Variants in TMEM192 observed in about 807,000 individuals in gnomAD.
The protein encoded by TMEM192 is transmembrane protein 192.
Under a neutral mutation model 26.7 loss-of-function variants are expected in TMEM192, and 20 were observed. The observed-to-expected ratio is 0.75, with a 90% CI of 0.53 to 1.09. The LOEUF (loss-of-function observed/expected upper bound fraction) is 1.09, where lower values mean the gene tolerates loss of function less well. TMEM192 is among the 50% of genes least tolerant of loss of function. The pLI is 0.00. For missense variants in TMEM192, 304 were observed against 322.6 expected (o/e 0.94, Z 0.44); for synonymous variants, 124 against 121.0 (o/e 1.02, Z -0.16).
In TMEM192 at chr4:165,073,664, C is replaced by T. The variant is rs1469135063; in HGVS notation, c.*5994G>A. 6.6e-6 allele frequency: 1 copy of T among 152,238 alleles called. No individual in the cohort carries two copies. Among genetic ancestry groups the T allele is most frequent in the Non-Finnish European group, 1.5e-5 (1 of 68,060 alleles). The allele number at this position is 152,238 out of a possible 1,614,324, so 9.4% of individuals were successfully genotyped here. ...GGGAATGGAATGTCTCGGTGTAAAG[C>T]TGACCATTCCCATTCGTTCTATTCT... On this transcript the variant is annotated 3_prime_UTR_variant, in exon 6 of 6. Transcript: ENST00000306480.
At chr4:165,103,510 A>ATTT (rs1735094061) in intron 1 of TMEM192, among the ~76,000 whole-genome samples, 1 of 19,040 alleles carries the variant, frequency 5.3e-5, no homozygotes, top group Non-Finnish European at 1.4e-4. Flanking sequence ...ACACCCAGCT[A>ATTT]ATTTTTTTTT....
chr4:165,088,394 G>C (rs1393072326), intron 4 of TMEM192, 74 bp downstream of exon 4: 2 of 1,476,610 alleles, frequency 1.4e-6, no homozygotes, highest in African/African-American at 1.4e-5. Flanking sequence ...TGTCGCTAAT[G>C]GGCTATACTT....
intron 4 of TMEM192, among the ~76,000 whole-genome samples, chr4:165,086,675 G>T (rs1734625030): frequency 2.0e-5 from 3 of 151,888 alleles, no homozygotes; most frequent in Non-Finnish European, 1.5e-5. Context: ...TCCACCCGCT[G>T]AGGCCTCCCA....
intron 3 of TMEM192, among the ~76,000 whole-genome samples, chr4:165,097,127 TGATATAGCATAGCC>T (rs1734926139): frequency 6.6e-6 from 1 of 152,124 alleles, no homozygotes; most frequent in Non-Finnish European, 1.5e-5. Context: ...TGCTTCACGC[TGATATAGCATAGCC>T]CTTCAGCTTC....
chr4:165,110,630 G>A (rs1232026176), intron 1 of TMEM192, among the ~76,000 whole-genome samples: 3 of 152,136 alleles, frequency 2.0e-5, no homozygotes, highest in Admixed American at 6.6e-5. Context: ...ACTTGAACCC[G>A]GGAGGCGGAG....
At position 165,078,340 on chromosome 4, in the gene TMEM192, G is replaced by T. The variant is rs1054916811; in HGVS notation, c.*1318C>A. 6.6e-6 allele frequency: 1 copy of T among 152,090 alleles called. No individual in the cohort carries two copies. Among genetic ancestry groups the T allele is most frequent in the Admixed American group, 6.6e-5 (1 of 15,252 alleles). 9.4% of individuals were successfully genotyped at this position (152,090 alleles called of 1,614,324 possible). ...AGTCTTTCTAAGGCAGCATATAACA[G>T]TGCTAACAGCAAACTGACAAATTAA... On this transcript the variant is annotated 3_prime_UTR_variant, in exon 6 of 6. Transcript: ENST00000306480.
chr4:165,112,447 CCCCGCACGTGGGCTGGGCG>C (rs1735317698), intron 1 of TMEM192, among the ~76,000 whole-genome samples: 1 of 152,232 alleles, frequency 6.6e-6, no homozygotes, highest in South Asian at 2.1e-4. Context: ...CAAAGACGTA[CCCCGCACGTGGGCTGGGCG>C]CCAGCCTGGG....
At chr4:165,101,101 C>G (rs565062655) in intron 2 of TMEM192, among the ~76,000 whole-genome samples, 1 of 150,984 alleles carries the variant, frequency 6.6e-6, no homozygotes, top group African/African-American at 2.4e-5. Context: ...CTCAGCCTCC[C>G]GAGTAGCTGG....
intron 3 of TMEM192, among the ~76,000 whole-genome samples, chr4:165,094,656 C>CA (rs113595881): frequency 0.025 from 3,065 of 120,846 alleles, 41 homozygotes; most frequent in African/African-American, 0.043. Flanking sequence ...GACTCTGTCT[C>CA]AAAAAAAAAA....
chr4:165,110,233 T>C (rs1012716725), intron 1 of TMEM192, among the ~76,000 whole-genome samples: 2 of 152,222 alleles, frequency 1.3e-5, no homozygotes, highest in Non-Finnish European at 2.9e-5. Flanking sequence ...AAGATGTCTG[T>C]TGTTTTTGCC....
chr4:165,105,970 C>T (rs940511647), intron 1 of TMEM192, among the ~76,000 whole-genome samples: 1 of 152,134 alleles, frequency 6.6e-6, no homozygotes, highest in Non-Finnish European at 1.5e-5. Context: ...CCTTCCACTG[C>T]GTGAGGATGC....
At chr4:165,099,878 A>G (rs1481018862) in intron 3 of TMEM192, among the ~76,000 whole-genome samples, 1 of 152,118 alleles carries the variant, frequency 6.6e-6, no homozygotes, top group Non-Finnish European at 1.5e-5. Context: ...AAGCCCAGGA[A>G]TTCCAGGCTA....
Position 165,076,896 on chromosome 4 carries a change from T to C in TMEM192, c.*2762A>G, listed in dbSNP as rs1734396375. The stretch of plus-strand genomic sequence containing the variant: ...AGCTCACTGCAACCTCTGCCTCCTG[T>C]GTTCAAGCGATTCTCCTGCCTCAGC... On this transcript the variant is annotated 3_prime_UTR_variant, in exon 6 of 6. Coordinates refer to ENST00000306480, the MANE Select transcript of TMEM192 (RefSeq NM_001100389.2). 1 of 152,184 alleles carries C rather than the reference T, an allele frequency of 6.6e-6. No individual in the cohort carries two copies. The highest frequency in any genetic ancestry group is 2.4e-5 in the African/African-American group (1 of 41,434). 9.4% of individuals were successfully genotyped at this position (152,184 alleles called of 1,614,324 possible).
chr4:165,100,975 T>C lies in TMEM192; in HGVS notation c.175-83A>G, dbSNP rs976581026. The C allele has an allele frequency of 2.3e-5, 28 of 1,216,410 alleles. No individual in the cohort carries two copies. In the African/African-American group the frequency reaches 4.7e-4, roughly 20 times the overall value. The allele number at this position is 1,216,410 out of a possible 1,614,324, so 75.4% of individuals were successfully genotyped here. ...ACTACCATCCCAGCATACATTCTTT[T>C]TTTTTTTTTTTTTTTTTCTGAGACA... On this transcript the variant is annotated intron_variant, in intron 2 of 5. Transcript: ENST00000306480.
chr4:165,085,001 G>A lies in TMEM192; in HGVS notation c.677+585C>T, dbSNP rs112023235. On this transcript the variant is annotated intron_variant, in intron 5 of 5. Coordinates refer to ENST00000306480, the MANE Select transcript of TMEM192 (RefSeq NM_001100389.2). ...TTAAAAAGAAAATAACAGGCCGGGCGAGGTGGCTCACGCCTGTGATCCCAG... is the reference window on the plus strand; with the variant it reads ...TTAAAAAGAAAATAACAGGCCGGGCAAGGTGGCTCACGCCTGTGATCCCAG... Among the ~76,000 whole-genome samples the A allele has an allele frequency of 5.3e-5, 8 of 151,078 alleles. No homozygotes were observed. In the South Asian group the frequency reaches 1.0e-3, roughly 20 times the overall value.
At chr4:165,089,398 G>A (rs1280114389) in intron 3 of TMEM192, among the ~76,000 whole-genome samples, 1 of 152,092 alleles carries the variant, frequency 6.6e-6, no homozygotes, top group African/African-American at 2.4e-5. Flanking sequence ...TCGGCTCACT[G>A]CAAGCTCCAC....
At chr4:165,103,137 C>G in intron 1 of TMEM192, 41 bp from the exon 2 acceptor site, 3 of 1,538,970 alleles carry the variant, frequency 1.9e-6, no homozygotes, top group Non-Finnish European at 1.7e-6. Flanking sequence ...TCACCACTTT[C>G]TAGATTATGT....
rs1578895218 is a variant in TMEM192 at position 165,076,389 on chromosome 4, A to G, written c.*3269T>C. 1.3e-5 allele frequency: 2 copies of G among 152,164 alleles called. No individual in the cohort carries two copies. The highest frequency in any genetic ancestry group is 4.8e-5 in the African/African-American group (2 of 41,432). 9.4% of individuals were successfully genotyped at this position (152,164 alleles called of 1,614,324 possible). On this transcript the variant is annotated 3_prime_UTR_variant, in exon 6 of 6. Coordinates refer to ENST00000306480, the MANE Select transcript of TMEM192 (RefSeq NM_001100389.2). ...TTGAAATGCTTCAGAGGATCCCATT[A>G]TCAACAAGATAAAGTGCAGTCTTCC... is the stretch of plus-strand genomic sequence containing the variant.
At chr4:165,085,545 G>A (rs954899282) in intron 5 of TMEM192, 41 bp downstream of exon 5, 4 of 1,344,104 alleles carry the variant, frequency 3.0e-6, no homozygotes, top group African/African-American at 1.5e-5. Flanking sequence ...TAGCTTTCTA[G>A]GGGAAAAAAC....
Sources: allele counts gnomAD v4.1 joint callset (sites outside exome capture counted in the v4.1 genomes callset), GRCh38; gene constraint gnomAD v4.1.1; transcripts MANE v1.5; gene names NCBI Gene and HGNC (gene_info 2026-07-23, HGNC 2026-07-21).